Variants in C7 observed in about 807,000 individuals in gnomAD.
C7 encodes complement component C7.
C7 carries 83 observed loss-of-function variants against 104.8 expected under a neutral mutation model. That is an observed-to-expected ratio of 0.79 (90% confidence interval 0.66 to 0.95). C7 has a LOEUF of 0.95. Ranked by LOEUF, C7 falls within the 40% of genes least tolerant of loss-of-function variation. The pLI, the probability that C7 is intolerant of heterozygous loss-of-function variation, is 0.00. For synonymous variants in C7, 415 were observed against 360.6 expected (o/e 1.15, Z -1.71); for missense variants, 1,070 against 1,011.2 (o/e 1.06, Z -0.79).
intron 1 of C7, among the ~76,000 whole-genome samples, chr5:40,914,397 C>T (rs1739274817): frequency 2.0e-5 from 3 of 152,078 alleles, no homozygotes; most frequent in Admixed American, 2.0e-4. Flanking sequence ...CAGATATTTC[C>T]TCCCATTCTG....
At chr5:40,915,380 T>A (rs1739298029) in intron 1 of C7, among the ~76,000 whole-genome samples, 1 of 152,178 alleles carries the variant, frequency 6.6e-6, no homozygotes, top group Non-Finnish European at 1.5e-5. Flanking sequence ...TTACAAGCAC[T>A]CAGAAACTGA....
chr5:40,916,989 G>A (rs1739332624), intron 1 of C7, among the ~76,000 whole-genome samples: 1 of 151,834 alleles, frequency 6.6e-6, no homozygotes, highest in Non-Finnish European at 1.5e-5. Flanking sequence ...TCAAAAATTA[G>A]CCAGGCATGT....
At chr5:40,961,408 G>A (rs901268623) in intron 12 of C7, among the ~76,000 whole-genome samples, 8 of 148,786 alleles carry the variant, frequency 5.4e-5, no homozygotes, top group Non-Finnish European at 1.2e-4. Flanking sequence ...TTTTTGAGAT[G>A]GGGTCTCACT....
Position 40,936,631 on chromosome 5 carries a change from A to G in C7, c.428+146A>G, listed in dbSNP as rs556955683. 162 of 721,168 alleles carry G rather than the reference A, an allele frequency of 2.2e-4. No homozygotes were observed. The African/African-American group carries it at 2.4e-3, about 11-fold the overall frequency. The allele number at this position is 721,168 out of a possible 1,614,324, so 44.7% of individuals were successfully genotyped here. On this transcript the variant is annotated intron_variant, in intron 5 of 17. Transcript: ENST00000313164. The stretch of plus-strand genomic sequence containing the variant: ...AGAGCTCTTTGCCACATCCTGAGAC[A>G]GTATTTTTGTTCACACATGTATACC...
Position 40,961,917 on chromosome 5 carries a change from A to G in C7, c.1662-168A>G, listed in dbSNP as rs144363300. The stretch of plus-strand genomic sequence containing the variant: ...GCTTGAGTTTATGTTTGAGTTTTCT[A>G]CCACAGGATGTAAGCAGATATTTGG... On this transcript the variant is annotated intron_variant, in intron 12 of 17. Transcript: ENST00000313164. 5.3e-5 allele frequency among the ~76,000 whole-genome samples: 8 copies of G among 152,332 alleles called. No homozygotes were observed. In the East Asian group the frequency reaches 1.5e-3, roughly 29 times the overall value.
chr5:40,956,725 T>C (rs1740297846), intron 10 of C7, among the ~76,000 whole-genome samples: 1 of 152,234 alleles, frequency 6.6e-6, no homozygotes. Context: ...AAAATTGCAA[T>C]AGGTCCTCAA....
At chr5:40,965,002 G>T (rs1218504639) in intron 14 of C7, 129 bp downstream of exon 14, 2 of 1,088,854 alleles carry the variant, frequency 1.8e-6, no homozygotes, top group Non-Finnish European at 2.7e-6. Flanking sequence ...ACATGATCCT[G>T]TTCAAGTTTT....
intron 16 of C7, among the ~76,000 whole-genome samples, 156 bp from the exon 17 acceptor site, chr5:40,979,569 A>G (rs1740893671): frequency 6.7e-6 from 1 of 150,156 alleles, no homozygotes; most frequent in Non-Finnish European, 1.5e-5. Flanking sequence ...AGTTGGACCT[A>G]GGAATGAAGG....
intron 1 of C7, among the ~76,000 whole-genome samples, chr5:40,916,019 G>A (rs910212779): frequency 7.9e-5 from 12 of 152,152 alleles, no homozygotes; most frequent in African/African-American, 9.7e-5. Flanking sequence ...TAAATTGGAT[G>A]CATTTGATAT....
At chr5:40,941,910 A>G (rs1262211813) in intron 6 of C7, among the ~76,000 whole-genome samples, 1 of 152,226 alleles carries the variant, frequency 6.6e-6, no homozygotes, top group African/African-American at 2.4e-5. Context: ...AGTGGAGAAC[A>G]CTGTTCCTCT....
At chr5:40,978,355 T>C (rs111525343) in intron 16 of C7, among the ~76,000 whole-genome samples, 5 of 152,316 alleles carry the variant, frequency 3.3e-5, no homozygotes, top group African/African-American at 1.2e-4. Flanking sequence ...CTGACTTTGC[T>C]GCTAATCTTT....
At chr5:40,949,623 G>A (rs1740122817) in intron 8 of C7, among the ~76,000 whole-genome samples, 1 of 152,158 alleles carries the variant, frequency 6.6e-6, no homozygotes, top group Admixed American at 6.6e-5. Flanking sequence ...CTGTAAATGG[G>A]TGAAAGATAT....
intron 1 of C7, among the ~76,000 whole-genome samples, chr5:40,925,716 A>G (rs1375473446): frequency 6.6e-6 from 1 of 152,206 alleles, no homozygotes; most frequent in East Asian, 1.9e-4. Flanking sequence ...GCATGGCATC[A>G]ACATTTGCTC....
At chr5:40,937,473 A>G (rs1739839484) in intron 5 of C7, 79 bp from the exon 6 acceptor site, 1 of 1,445,444 alleles carries the variant, frequency 6.9e-7, no homozygotes, top group Non-Finnish European at 9.3e-7. Context: ...TCTGTAATAA[A>G]CTTTTTTCCC....
chr5:40,963,518 A>G (rs1470814241), intron 13 of C7, among the ~76,000 whole-genome samples: 4 of 152,104 alleles, frequency 2.6e-5, no homozygotes, highest in Admixed American at 6.6e-5. Context: ...ACTAACTTCC[A>G]TGATAGAGCC....
At chr5:40,973,043 T>C (rs1490557829) in intron 15 of C7, among the ~76,000 whole-genome samples, 1 of 152,190 alleles carries the variant, frequency 6.6e-6, no homozygotes, top group East Asian at 1.9e-4. Context: ...AAATTGAAAA[T>C]TTAGAAAGCA....
chr5:40,978,873 A>ATTTTTTTTTTTTTTTTTTTTTTT (rs372551834), intron 16 of C7, among the ~76,000 whole-genome samples: 8 of 80,092 alleles, frequency 1.0e-4, no homozygotes, highest in Non-Finnish European at 1.2e-4. Context: ...TTTTATGGAA[A>ATTTTTTTTTTTTTTTTTTTTTTT]TTTTTTTTTT....
At chr5:40,966,418 C>A (rs190003918) in intron 14 of C7, among the ~76,000 whole-genome samples, 120 of 151,686 alleles carry the variant, frequency 7.9e-4, no homozygotes, top group African/African-American at 2.6e-3. Context: ...GTTGCCCAAG[C>A]TGGAGTGCAG....
chr5:40,947,144 G>A lies in C7; in HGVS notation c.739-458G>A, dbSNP rs559298814. On this transcript the variant is annotated intron_variant, in intron 7 of 17. Transcript: ENST00000313164. ...ATATTGGGTCTCACTCTGTTACCCA[G>A]GCTGGAGTGCAGTGGTGTGATCACG... Among the ~76,000 whole-genome samples the A allele has an allele frequency of 2.0e-5, 3 of 148,786 alleles. No homozygotes were observed. The South Asian group carries it at 6.4e-4, about 32-fold the overall frequency.
Sources: allele counts gnomAD v4.1 joint callset (sites outside exome capture counted in the v4.1 genomes callset), GRCh38; gene constraint gnomAD v4.1.1; transcripts MANE v1.5; gene names NCBI Gene and HGNC (gene_info 2026-07-23, HGNC 2026-07-21).